The following HTR2A variants were observed in gnomAD, a reference collection of about 807,000 sequenced individuals.
HTR2A encodes 5-hydroxytryptamine receptor 2A, also known as 5-HT2 receptor.
Under a neutral mutation model 31.0 loss-of-function variants are expected in HTR2A, and 14 were observed. The ratio of observed to expected loss-of-function variants is 0.45; its 90% confidence interval spans 0.30 to 0.71. The LOEUF (loss-of-function observed/expected upper bound fraction) is 0.71, where lower values mean the gene tolerates loss of function less well. Ranked by LOEUF, HTR2A falls within the 30% of genes least tolerant of loss-of-function variation. HTR2A has a pLI of 0.09. For synonymous variants in HTR2A, 209 were observed against 225.2 expected, an observed-to-expected ratio of 0.93 and a Z score of 0.64; for missense variants, 442 against 573.3, an observed-to-expected ratio of 0.77 and a Z score of 2.34.
chr13:46,836,390 A>C (rs1423984217), intron 3 of HTR2A, among the ~76,000 whole-genome samples: 2 of 152,242 alleles, frequency 1.3e-5, no homozygotes, highest in Non-Finnish European at 2.9e-5. Flanking sequence ...TTACATGTAC[A>C]TATAAAAGCA....
intron 2 of HTR2A, among the ~76,000 whole-genome samples, chr13:46,893,301 AC>A (rs1484478219): frequency 4.6e-5 from 7 of 152,280 alleles, no homozygotes; most frequent in African/African-American, 1.7e-4. Flanking sequence ...ACTCTGCCAC[AC>A]CTCTTAAAAC....
At chr13:46,871,171 C>G (rs1022189150) in intron 3 of HTR2A, among the ~76,000 whole-genome samples, 1 of 152,190 alleles carries the variant, frequency 6.6e-6, no homozygotes, top group Non-Finnish European at 1.5e-5. Flanking sequence ...ACTGAATTAA[C>G]TGAACCCATT....
chr13:46,852,979 T>TC (rs1417733451), intron 3 of HTR2A, among the ~76,000 whole-genome samples: 1 of 151,796 alleles, frequency 6.6e-6, no homozygotes, highest in East Asian at 1.9e-4. Flanking sequence ...CTTTTTTTTT[T>TC]CCTATAAAGT....
intron 3 of HTR2A, among the ~76,000 whole-genome samples, chr13:46,871,365 C>A (rs1193265781): frequency 6.6e-6 from 1 of 152,122 alleles, no homozygotes; most frequent in Non-Finnish European, 1.5e-5. Flanking sequence ...CTACTTGAAG[C>A]AAGAGGCTGG....
chr13:46,865,143 G>A (rs1950809440), intron 3 of HTR2A, among the ~76,000 whole-genome samples: 1 of 152,230 alleles, frequency 6.6e-6, no homozygotes, highest in African/African-American at 2.4e-5. Flanking sequence ...AATCACCCTA[G>A]AACATGTTTT....
intron 3 of HTR2A, chr13:46,854,193 T>G (rs1566305615): frequency 6.6e-6 from 1 of 152,238 alleles, no homozygotes; most frequent in Non-Finnish European, 1.5e-5. Flanking sequence ...CTCTGAGTTG[T>G]GACGATTAAA....
At chr13:46,879,755 C>T (rs543840494) in intron 3 of HTR2A, among the ~76,000 whole-genome samples, 49 of 152,306 alleles carry the variant, frequency 3.2e-4, no homozygotes, top group Non-Finnish European at 1.8e-4. Context: ...CCTGTTATCC[C>T]AACACTTTGA....
At chr13:46,839,879 T>C (rs930616384) in intron 3 of HTR2A, among the ~76,000 whole-genome samples, 12 of 152,188 alleles carry the variant, frequency 7.9e-5, no homozygotes, top group Admixed American at 6.5e-4. Context: ...TAATTCACTT[T>C]GAACCGCTGG....
chr13:46,846,196 T>C (rs1377315613), intron 3 of HTR2A, among the ~76,000 whole-genome samples: 1 of 152,132 alleles, frequency 6.6e-6, no homozygotes, highest in Admixed American at 6.5e-5. Context: ...TTTTCTCCCA[T>C]AAAATGGGGA....
In HTR2A at chr13:46,834,905, T is replaced by C. The variant is rs757585313; in HGVS notation, c.1348A>G (p.Lys450Glu). The stretch of plus-strand genomic sequence containing the variant: ...TTAGAAGCCTCTTCAGAATGCTGCT[T>C]TCCTAGAGCAACCATTGAGCAGTCA... ...DNDCSMVALG[K>E]QHSEEASKDN... Residue 450 changes from lysine to glutamate, a missense_variant, in exon 4 of 4, where the codon AAG (lysine) becomes GAG (glutamate). Lys to Glu is a moderately conservative substitution (Grantham distance 56, BLOSUM62 1). This residue lies in a region of HTR2A where 88 missense variants were observed against 83.1 expected (regional missense o/e 1.06). Transcript: ENST00000542664. The C allele has an allele frequency of 2.5e-6, 4 of 1,614,088 alleles. No homozygotes were observed. In the East Asian group the frequency reaches 6.7e-5, roughly 27 times the overall value.
chr13:46,853,978 T>C (rs1373477057), intron 3 of HTR2A: 2 of 152,226 alleles, frequency 1.3e-5, no homozygotes, highest in Non-Finnish European at 2.9e-5. Flanking sequence ...TAGTCTACTT[T>C]TGTAACAGGA....
chr13:46,877,791 G>C (rs1161965837), intron 3 of HTR2A, among the ~76,000 whole-genome samples: 1 of 152,092 alleles, frequency 6.6e-6, no homozygotes, highest in Non-Finnish European at 1.5e-5. Context: ...TAGAGGGAAG[G>C]GGAAATGTGA....
chr13:46,880,849 G>GA (rs58351412), intron 3 of HTR2A, among the ~76,000 whole-genome samples: 37,909 of 150,528 alleles, frequency 0.25, 4,977 homozygotes, highest in Non-Finnish European at 0.26. Context: ...AAATAAAAAA[G>GA]AAAAAAAAAG....
intron 3 of HTR2A, among the ~76,000 whole-genome samples, chr13:46,857,362 C>T (rs973685853): frequency 1.3e-5 from 2 of 151,730 alleles, no homozygotes; most frequent in African/African-American, 4.8e-5. Context: ...ATGAAAGCAC[C>T]AGCAGATTCA....
intron 3 of HTR2A, among the ~76,000 whole-genome samples, chr13:46,875,852 A>G (rs1950905093): frequency 6.6e-6 from 1 of 152,230 alleles, no homozygotes; most frequent in South Asian, 2.1e-4. Flanking sequence ...AACTAGAGAA[A>G]GCAGGTGCTA....
chr13:46,855,019 T>C lies in HTR2A; in HGVS notation c.614-19380A>G, dbSNP rs115179496. Reference sequence around the variant, plus strand: ...CATTATGTGAAGATGAAGGCAGAGATTGGGAGACGGAACTATAAGTCAGGG... The same window carrying C: ...CATTATGTGAAGATGAAGGCAGAGACTGGGAGACGGAACTATAAGTCAGGG... On this transcript the variant is annotated intron_variant, in intron 3 of 3. Transcript: ENST00000542664. Among the ~76,000 whole-genome samples the C allele has an allele frequency of 9.1e-3, 1,391 of 152,206 alleles. 24 individuals carry two copies. The highest frequency in any genetic ancestry group is 0.032 in the African/African-American group (1,337 of 41,514).
chr13:46,843,147 G>T (rs74892917), intron 3 of HTR2A, among the ~76,000 whole-genome samples: 166 of 152,248 alleles, frequency 1.1e-3, no homozygotes, highest in African/African-American at 3.9e-3. Context: ...CAATGCTTGT[G>T]TTCAAGAAAC....
intron 3 of HTR2A, among the ~76,000 whole-genome samples, chr13:46,885,029 A>ATT (rs1950995686): frequency 6.6e-6 from 1 of 152,188 alleles, no homozygotes; most frequent in Non-Finnish European, 1.5e-5. Flanking sequence ...GAAACCAAGG[A>ATT]TACTAAACTT....
At chr13:46,886,325 T>C (rs374795398) in intron 3 of HTR2A, among the ~76,000 whole-genome samples, 1 of 117,676 alleles carries the variant, frequency 8.5e-6, no homozygotes, top group African/African-American at 3.2e-5. Flanking sequence ...GGAAGGAAAT[T>C]AAGATATTGT....
Sources: allele counts gnomAD v4.1 joint callset (sites outside exome capture counted in the v4.1 genomes callset), GRCh38; gene constraint gnomAD v4.1.1; regional missense constraint gnomAD v4.1.1; transcripts MANE v1.5; gene names NCBI Gene and HGNC (gene_info 2026-07-23, HGNC 2026-07-21).